Variants in EBF1 observed in about 807,000 individuals in gnomAD.
EBF1 encodes the protein EBF transcription factor 1.
A neutral mutation model predicts 68.4 loss-of-function variants in EBF1; 10 were observed. The ratio of observed to expected loss-of-function variants is 0.15; its 90% CI spans 0.09 to 0.25. The LOEUF is 0.25. EBF1 is among the 10% of genes least tolerant of loss of function. EBF1 has a pLI of 1.00. For missense variants in EBF1, 509 were observed against 794.4 expected, an observed-to-expected ratio of 0.64 and a Z score of 4.32; for synonymous variants, 298 against 299.8, an observed-to-expected ratio of 0.99 and a Z score of 0.06.
intron 6 of EBF1, among the ~76,000 whole-genome samples, chr5:158,869,083 G>A (rs998126473): frequency 2.0e-5 from 3 of 152,104 alleles, no homozygotes; most frequent in Non-Finnish European, 4.4e-5. Flanking sequence ...ACAGGAAAAA[G>A]GCACTTGGTT....
chr5:158,877,365 A>G (rs1436203873), intron 6 of EBF1, among the ~76,000 whole-genome samples: 1 of 152,210 alleles, frequency 6.6e-6, no homozygotes, highest in Non-Finnish European at 1.5e-5. Flanking sequence ...GAGGCACAGT[A>G]TGGCACTGGA....
rs538682316 is a variant in EBF1 at position 158,795,914 on chromosome 5, G to A, written c.909+431C>T. ...AATAAGTCAAGAACCACCTACACCT[G>A]GATTATGCTGCCATTGAATGATGTT... On this transcript the variant is annotated intron_variant, in intron 9 of 15. Coordinates refer to ENST00000313708, the MANE Select transcript of EBF1 (RefSeq NM_024007.5). 1.0e-3 allele frequency among the ~76,000 whole-genome samples: 156 copies of A among 152,184 alleles called. No individual in the cohort carries two copies. The Middle Eastern group carries it at 0.02, about 20-fold the overall frequency.
chr5:158,804,434 C>A (rs1781199854), intron 8 of EBF1, among the ~76,000 whole-genome samples: 1 of 152,066 alleles, frequency 6.6e-6, no homozygotes, highest in Non-Finnish European at 1.5e-5. Context: ...AAGGGAAGGA[C>A]AAAAATGCTG....
chr5:158,829,591 T>C (rs1413309025), intron 7 of EBF1, among the ~76,000 whole-genome samples: 1 of 149,980 alleles, frequency 6.7e-6, no homozygotes, highest in Non-Finnish European at 1.5e-5. Context: ...GGTTAGGGGA[T>C]GGGGATGGGG....
chr5:159,071,055 C>T (rs959561005), intron 6 of EBF1, among the ~76,000 whole-genome samples: 14 of 152,192 alleles, frequency 9.2e-5, no homozygotes, highest in Non-Finnish European at 1.9e-4. Flanking sequence ...TCTCTTCTCT[C>T]GCTGTTAAGA....
chr5:159,085,243 G>A (rs146340847), intron 4 of EBF1, among the ~76,000 whole-genome samples: 8 of 152,284 alleles, frequency 5.3e-5, no homozygotes, highest in Non-Finnish European at 2.9e-5. Context: ...TGTCATGTTT[G>A]CAATGATTTA....
chr5:158,997,683 T>C (rs895217703), intron 6 of EBF1, among the ~76,000 whole-genome samples: 8 of 152,178 alleles, frequency 5.3e-5, no homozygotes, highest in African/African-American at 1.7e-4. Flanking sequence ...ACAATAGTAG[T>C]TAATGAATGA....
chr5:158,928,389 T>C (rs914003901), intron 6 of EBF1, among the ~76,000 whole-genome samples: 5 of 152,226 alleles, frequency 3.3e-5, no homozygotes, highest in Admixed American at 3.3e-4. Flanking sequence ...CTGTTACTTA[T>C]CACATTCAGC....
At chr5:159,007,240 C>T (rs1763744313) in intron 6 of EBF1, among the ~76,000 whole-genome samples, 1 of 151,730 alleles carries the variant, frequency 6.6e-6, no homozygotes, top group Non-Finnish European at 1.5e-5. Flanking sequence ...GGAAGAAGCA[C>T]AGAGAGAGAA....
intron 10 of EBF1, among the ~76,000 whole-genome samples, chr5:158,764,043 T>C (rs1772111330): frequency 6.6e-6 from 1 of 152,194 alleles, no homozygotes; most frequent in Admixed American, 6.5e-5. Flanking sequence ...TGTACTAAGC[T>C]TTTTATATGC....
chr5:158,932,522 GTTTATC>G (rs1168165423), intron 6 of EBF1, among the ~76,000 whole-genome samples: 3 of 152,176 alleles, frequency 2.0e-5, no homozygotes, highest in African/African-American at 4.8e-5. Flanking sequence ...CAATTTTAAT[GTTTATC>G]TTTATACTTT....
In EBF1 at chr5:158,708,019, T is replaced by C. The variant is rs145683881; in HGVS notation, c.1704A>G (p.Pro568=). ...CGTTGGTGCTGGTGCAGGTGGGAGG[T>C]GGGGAGGTCTGGGGTCTGACGACTG... ...FAPVVRPQTS[P]PPTCTSTNGN... The change falls in exon 15 of 16, where the codon CCA becomes CCG. Residue 568 remains proline, a synonymous_variant. Transcript: ENST00000313708. 2.1e-4 allele frequency: 332 copies of C among 1,549,944 alleles called. No homozygotes were observed. In the African/African-American group the frequency reaches 4.1e-3, roughly 19 times the overall value.
At chr5:158,926,447 C>T (rs891138737) in intron 6 of EBF1, among the ~76,000 whole-genome samples, 3 of 151,998 alleles carry the variant, frequency 2.0e-5, no homozygotes, top group Non-Finnish European at 2.9e-5. Context: ...TCTTATTGGC[C>T]GGGCGCAGTG....
At chr5:158,923,565 C>T (rs186084071) in intron 6 of EBF1, among the ~76,000 whole-genome samples, 11 of 152,182 alleles carry the variant, frequency 7.2e-5, no homozygotes, top group Non-Finnish European at 1.2e-4. Flanking sequence ...TCTGCAATAT[C>T]GGGCAAAGAA....
At chr5:158,756,976 T>TG (rs1770249059) in intron 10 of EBF1, among the ~76,000 whole-genome samples, 1 of 136,680 alleles carries the variant, frequency 7.3e-6, no homozygotes, top group Non-Finnish European at 1.6e-5. Flanking sequence ...ACCCTCATGC[T>TG]GAAAAAAAAA....
At position 158,932,181 on chromosome 5, in the gene EBF1, T is replaced by C. The variant is rs575466126; in HGVS notation, c.555-92071A>G. On this transcript the variant is annotated intron_variant, in intron 6 of 15. Transcript: ENST00000313708. ...TAATTGCACTTCTAGGAATCTATCA[T>C]AAGGAAATCAGGGATGCTTATCAAA... 1.2e-4 allele frequency among the ~76,000 whole-genome samples: 18 copies of C among 152,274 alleles called. No individual in the cohort carries two copies. The South Asian group carries it at 2.3e-3, about 19-fold the overall frequency.
At chr5:158,704,672 GA>G (rs1757486510) in intron 15 of EBF1, among the ~76,000 whole-genome samples, 1 of 151,248 alleles carries the variant, frequency 6.6e-6, no homozygotes, top group Non-Finnish European at 1.5e-5. Context: ...AGTTAAAGAT[GA>G]AGTAATTCTC....
At chr5:158,745,531 G>C (rs1374516131) in intron 10 of EBF1, among the ~76,000 whole-genome samples, 2 of 152,118 alleles carry the variant, frequency 1.3e-5, no homozygotes, top group African/African-American at 4.8e-5. Context: ...CCATGTAAAA[G>C]CATTTTAGTG....
intron 6 of EBF1, among the ~76,000 whole-genome samples, chr5:158,949,278 A>G (rs897705492): frequency 6.6e-6 from 1 of 152,216 alleles, no homozygotes; most frequent in African/African-American, 2.4e-5. Flanking sequence ...TCGAATTATC[A>G]TAGTTTCCAC....
Sources: gnomAD v4.1 joint callset for allele counts (sites outside exome capture counted in the v4.1 genomes callset) on GRCh38, gnomAD v4.1.1 for gene constraint, MANE v1.5 for transcripts, NCBI Gene and HGNC (gene_info 2026-07-23, HGNC 2026-07-21) for gene names.